The following AHDC1 variants were observed in gnomAD, a reference collection of about 807,000 sequenced individuals.
AHDC1 encodes the protein AT-hook DNA binding motif containing 1, also known as transcription factor Gibbin.
Under a neutral mutation model 87.9 loss-of-function variants are expected in AHDC1, and 7 were observed. That is an observed-to-expected ratio of 0.08 (90% CI 0.05 to 0.15). The LOEUF is 0.15. AHDC1 is among the 10% of genes least tolerant of loss of function. The pLI, the probability that AHDC1 is intolerant of heterozygous loss-of-function variation, is 1.00. For synonymous variants in AHDC1, 1,051 were observed against 1,006.8 expected (o/e 1.04, Z -0.83); for missense variants, 1,841 against 2,253.2 (o/e 0.82, Z 3.70).
At chr1:27,588,571 G>A (rs115875808) in intron 3 of AHDC1, among the ~76,000 whole-genome samples, 242 of 152,262 alleles carry the variant, frequency 1.6e-3, no homozygotes, top group African/African-American at 5.5e-3. Context: ...AACAAATACC[G>A]TCAGGGCTAA....
chr1:27,572,431 T>C (rs572888409), intron 3 of AHDC1, among the ~76,000 whole-genome samples: 14 of 152,120 alleles, frequency 9.2e-5, no homozygotes, highest in Admixed American at 3.3e-4. Context: ...CACCGGATGG[T>C]CCCAGTACAA....
In AHDC1 at chr1:27,560,648, G is replaced by C. The variant is rs1219113547; in HGVS notation, c.-628-1765C>G. Among the ~76,000 whole-genome samples, 1 of 152,140 alleles carries C rather than the reference G, an allele frequency of 6.6e-6. No individual in the cohort carries two copies. Among genetic ancestry groups the C allele is most frequent in the African/African-American group, 2.4e-5 (1 of 41,406 alleles). On this transcript the variant is annotated intron_variant, in intron 3 of 8. Transcript: ENST00000673934. The surrounding 1 kb of genome is among the most constrained non-coding windows in gnomAD (Gnocchi z 4.1). Reference sequence around the variant, plus strand: ...CTCGTGTGTGTGTCCATGCATGTGTGGATTTGTGTGACCTTATTGTGTGTC... The same window carrying C: ...CTCGTGTGTGTGTCCATGCATGTGTCGATTTGTGTGACCTTATTGTGTGTC...
intron 8 of AHDC1, among the ~76,000 whole-genome samples, chr1:27,538,813 C>G (rs1237128936): frequency 1.3e-5 from 2 of 152,172 alleles, no homozygotes; most frequent in African/African-American, 4.8e-5. Flanking sequence ...CTGCAGCAGC[C>G]TGAGTTTCTA....
At position 27,563,308 on chromosome 1, in the gene AHDC1, G is replaced by GCA. The variant is rs1203399614; in HGVS notation, c.-628-4427_-628-4426dup. Among the ~76,000 whole-genome samples the GCA allele has an allele frequency of 6.8e-6, 1 of 146,232 alleles. No individual in the cohort carries two copies. Among genetic ancestry groups the GCA allele is most frequent in the Non-Finnish European group, 1.5e-5 (1 of 66,544 alleles). Reference sequence around the variant, plus strand: ...ATAGTTGACCAAGACACACACACATGCACACACACACAGAACCTGTCACAC... The same window carrying GCA: ...ATAGTTGACCAAGACACACACACATGCACACACACACACAGAACCTGTCACAC... On this transcript the variant is annotated intron_variant, in intron 3 of 8. Coordinates refer to ENST00000673934, the MANE Select transcript of AHDC1 (RefSeq NM_001371928.1). The surrounding 1 kb of genome is among the most constrained non-coding windows in gnomAD (Gnocchi z 6.1).
chr1:27,548,925 G>A lies in AHDC1; in HGVS notation c.3191C>T (p.Ser1064Leu), dbSNP rs2019349171. 5 of 1,598,288 alleles carry A rather than the reference G, an allele frequency of 3.1e-6. No individual in the cohort carries two copies. The highest frequency in any genetic ancestry group is 4.3e-6 in the Non-Finnish European group (5 of 1,172,112). The change falls in exon 8 of 9, where the codon TCG becomes TTG. Residue 1064 changes from serine to leucine, a missense_variant. Around this residue, in one of 13 missense-constraint regions of AHDC1, gnomAD observed 378 missense variants for 399.0 expected, o/e 0.95. Transcript: ENST00000673934. Reference sequence around the variant, plus strand: ...CTTGGGTACCATGTAGCCACCGGGCGAGACTGTGCTGGCCCGGCTGTCACA... The same window carrying A: ...CTTGGGTACCATGTAGCCACCGGGCAAGACTGTGCTGGCCCGGCTGTCACA... ...LRCDSRASTVSPGGYMVPKGT... is the reference protein window; with the variant it reads ...LRCDSRASTVLPGGYMVPKGT...
rs753828677 is a variant in AHDC1 at position 27,550,835 on chromosome 1, G to A, written c.1281C>T (p.Ala427=). The A allele has an allele frequency of 1.8e-5, 28 of 1,565,800 alleles. 1 individual carries two copies. In the South Asian group the frequency reaches 1.8e-4, roughly 10 times the overall value. ...GAGGAGGCGGTGGTGGTGGGGGTTC[G>A]GCCAGGGCAGCCACCAGCCCCGTGG... ...PMPTGLVAAL[A]EPPPPPPPPP... is the part of the protein sequence containing the mutation. Residue 427 remains alanine (A), a synonymous_variant, in exon 8 of 9, where the codon GCC becomes GCT. Coordinates refer to ENST00000673934, the MANE Select transcript of AHDC1 (RefSeq NM_001371928.1).
At chr1:27,539,985 C>T (rs1038530067) in intron 8 of AHDC1, among the ~76,000 whole-genome samples, 19 of 152,110 alleles carry the variant, frequency 1.2e-4, no homozygotes, top group Non-Finnish European at 2.6e-4. Flanking sequence ...CTCTCTCTCC[C>T]CCACTCTCCA....
In AHDC1 at chr1:27,595,867, A is replaced by G. The variant is rs1334816057; in HGVS notation, c.-629+7530T>C. On this transcript the variant is annotated intron_variant, in intron 3 of 8. Transcript: ENST00000673934. This position sits in a 1 kb window ranked among gnomAD's most constrained non-coding sequence, Gnocchi z 4.0. The stretch of plus-strand genomic sequence containing the variant: ...GTTTGGGGGTATGTGCATGTGAGGT[A>G]GCTGGATGTCGGGGGGTATCTGTAT... 6.6e-6 allele frequency among the ~76,000 whole-genome samples: 1 copy of G among 151,212 alleles called. No homozygotes were observed. Among genetic ancestry groups the G allele is most frequent in the Non-Finnish European group, 1.5e-5 (1 of 67,794 alleles).
At chr1:27,582,698 C>A (rs547721812) in intron 3 of AHDC1, among the ~76,000 whole-genome samples, 4 of 152,332 alleles carry the variant, frequency 2.6e-5, no homozygotes, top group Non-Finnish European at 4.4e-5. Flanking sequence ...ATGCATGAGT[C>A]AAGTGCTTAC....
chr1:27,565,658 C>T lies in AHDC1; in HGVS notation c.-628-6775G>A, dbSNP rs1193631954. ...GGAACTCAAAGCACTTTAAAGAAGTCAGACATGAAGCAAGGATAGTATCCC... is the reference window on the plus strand; with the variant it reads ...GGAACTCAAAGCACTTTAAAGAAGTTAGACATGAAGCAAGGATAGTATCCC... On this transcript the variant is annotated intron_variant, in intron 3 of 8. Coordinates refer to ENST00000673934, the MANE Select transcript of AHDC1 (RefSeq NM_001371928.1). This position sits in a 1 kb window ranked among gnomAD's most constrained non-coding sequence, Gnocchi z 4.6. 6.6e-6 allele frequency among the ~76,000 whole-genome samples: 1 copy of T among 152,156 alleles called. No individual in the cohort carries two copies. Among genetic ancestry groups the T allele is most frequent in the Non-Finnish European group, 1.5e-5 (1 of 68,036 alleles).
At chr1:27,588,755 G>A (rs1298153683) in intron 3 of AHDC1, among the ~76,000 whole-genome samples, 5 of 152,160 alleles carry the variant, frequency 3.3e-5, no homozygotes, top group Non-Finnish European at 5.9e-5. Context: ...AGGGAAGTAT[G>A]CAAACATGTA....
chr1:27,599,438 C>T (rs2089471096), intron 3 of AHDC1, among the ~76,000 whole-genome samples: 1 of 152,286 alleles, frequency 6.6e-6, no homozygotes, highest in South Asian at 2.1e-4. Flanking sequence ...AGGGTGCCTG[C>T]CTGCTTCTCT....
chr1:27,548,847 G>A lies in AHDC1; in HGVS notation c.3269C>T (p.Ser1090Phe), dbSNP rs1188048931. 1 of 1,612,534 alleles carries A rather than the reference G, an allele frequency of 6.2e-7. No homozygotes were observed. Among genetic ancestry groups the A allele is most frequent in the Non-Finnish European group, 8.5e-7 (1 of 1,179,636 alleles). Reference sequence around the variant, plus strand: ...GTTCTCGGGCGAGGGCTGGAAGGAGGAGGAGGAGGAGGAGGCGGCAGAGGC... The same window carrying A: ...GTTCTCGGGCGAGGGCTGGAAGGAGAAGGAGGAGGAGGAGGCGGCAGAGGC... The part of the protein sequence containing the change: ...SAASAASSSS[S>F]SFQPSPENCR... The change falls in exon 8 of 9, where the codon TCC becomes TTC. Residue 1090 changes from serine (S) to phenylalanine (F), a missense_variant. Coordinates refer to ENST00000673934, the MANE Select transcript of AHDC1 (RefSeq NM_001371928.1).
chr1:27,560,897 G>A lies in AHDC1; in HGVS notation c.-628-2014C>T, dbSNP rs1399153464. 6.6e-6 allele frequency among the ~76,000 whole-genome samples: 1 copy of A among 152,034 alleles called. No individual in the cohort carries two copies. Among genetic ancestry groups the A allele is most frequent in the Non-Finnish European group, 1.5e-5 (1 of 67,986 alleles). ...TGTGAGATACCCTTTGTGAGACGGT[G>A]TGTGTGTGTCTGTGTCACTGTGTTT... On this transcript the variant is annotated intron_variant, in intron 3 of 8. Coordinates refer to ENST00000673934, the MANE Select transcript of AHDC1 (RefSeq NM_001371928.1). The surrounding 1 kb of genome is among the most constrained non-coding windows in gnomAD (Gnocchi z 4.1).
Position 27,590,818 on chromosome 1 carries a change from G to T in AHDC1, c.-629+12579C>A, listed in dbSNP as rs1179541790. Among the ~76,000 whole-genome samples, 1 of 152,132 alleles carries T rather than the reference G, an allele frequency of 6.6e-6. No individual in the cohort carries two copies. Among genetic ancestry groups the T allele is most frequent in the Non-Finnish European group, 1.5e-5 (1 of 68,026 alleles). Reference sequence around the variant, plus strand: ...TAGTGGCTGCAGCTCTTTCTTTCTCGTGGGAGGGTGCAATTTCCGGAGGGG... The same window carrying T: ...TAGTGGCTGCAGCTCTTTCTTTCTCTTGGGAGGGTGCAATTTCCGGAGGGG... On this transcript the variant is annotated intron_variant, in intron 3 of 8. Transcript: ENST00000673934. This position sits in a 1 kb window ranked among gnomAD's most constrained non-coding sequence, Gnocchi z 5.4.
Position 27,551,438 on chromosome 1 carries a change from G to A in AHDC1, c.678C>T (p.Pro226=). Residue 226 remains proline (P), a synonymous_variant, in exon 8 of 9, where the codon CCC becomes CCT. Transcript: ENST00000673934. ...PGATAAATGL[P]PEPEPDSTDY... ...CAGTGCTGTCTGGCTCAGGCTCTGGGGGCAGACCCGTGGCCGCAGCCGTGG... is the reference window on the plus strand; with the variant it reads ...CAGTGCTGTCTGGCTCAGGCTCTGGAGGCAGACCCGTGGCCGCAGCCGTGG... 6.2e-7 allele frequency: 1 copy of A among 1,612,768 alleles called. No homozygotes were observed. Among genetic ancestry groups the A allele is most frequent in the South Asian group, 1.1e-5 (1 of 91,070 alleles).
intron 8 of AHDC1, among the ~76,000 whole-genome samples, chr1:27,538,416 A>G (rs1374207627): frequency 6.7e-6 from 1 of 148,638 alleles, no homozygotes; most frequent in African/African-American, 2.5e-5. Context: ...AAAAAAAAAA[A>G]AACCAGAAAA....
rs1380353898 is a variant in AHDC1, at chr1:27,593,343, T to G, written c.-629+10054A>C. ...TCTTTAAAATTCCTCCAGCCCAACC[T>G]CTCTCCCTCTCTCCCTGCAGTGAAT... On this transcript the variant is annotated intron_variant, in intron 3 of 8. Coordinates refer to ENST00000673934, the MANE Select transcript of AHDC1 (RefSeq NM_001371928.1). This position sits in a 1 kb window ranked among gnomAD's most constrained non-coding sequence, Gnocchi z 4.9. Among the ~76,000 whole-genome samples the G allele has an allele frequency of 6.6e-6, 1 of 151,760 alleles. No individual in the cohort carries two copies. Among genetic ancestry groups the G allele is most frequent in the Non-Finnish European group, 1.5e-5 (1 of 67,878 alleles).
intron 8 of AHDC1, among the ~76,000 whole-genome samples, chr1:27,535,118 G>A (rs1008515731): frequency 3.3e-5 from 5 of 152,228 alleles, no homozygotes; most frequent in South Asian, 2.1e-4. Flanking sequence ...TAAAATATGC[G>A]TGTCCAAGCC....
Sources: gnomAD v4.1 joint callset for allele counts (sites outside exome capture counted in the v4.1 genomes callset) on GRCh38, gnomAD v4.1.1 for gene constraint, gnomAD v4.1.1 regional missense constraint, Gnocchi (gnomAD v3.1) non-coding constraint, MANE v1.5 for transcripts, NCBI Gene and HGNC (gene_info 2026-07-23, HGNC 2026-07-21) for gene names.